The following ZNF521 variants were observed in gnomAD, a reference collection of about 807,000 sequenced individuals.
ZNF521 encodes LYST-interacting protein 3.
A neutral mutation model predicts 105.5 loss-of-function variants in ZNF521; 14 were observed. The observed-to-expected ratio is 0.13, with a 90% CI of 0.09 to 0.21. ZNF521 has a LOEUF of 0.21. ZNF521 is among the 10% of genes least tolerant of loss of function. The pLI is 1.00. For synonymous variants in ZNF521, 635 were observed against 606.0 expected (o/e 1.05, Z -0.70); for missense variants, 1,233 against 1,629.7 (o/e 0.76, Z 4.19).
intron 5 of ZNF521, among the ~76,000 whole-genome samples, chr18:25,159,769 C>T (rs1304443161): frequency 1.3e-5 from 2 of 152,194 alleles, no homozygotes; most frequent in African/African-American, 4.8e-5. Context: ...CAAAGTTACA[C>T]TCACTAAGAA....
chr18:25,153,151 A>T (rs779156674), intron 5 of ZNF521, among the ~76,000 whole-genome samples: 28 of 152,318 alleles, frequency 1.8e-4, no homozygotes, highest in Admixed American at 4.6e-4. Context: ...TACTAAGTGG[A>T]TCGTAATGCT....
intron 5 of ZNF521, among the ~76,000 whole-genome samples, chr18:25,152,498 A>G (rs1198976059): frequency 2.6e-5 from 4 of 151,968 alleles, no homozygotes; most frequent in Middle Eastern, 3.2e-3. Flanking sequence ...AAAGAAAAAA[A>G]AAAGAAAGAA....
At chr18:25,176,459 T>C (rs955525748) in intron 5 of ZNF521, among the ~76,000 whole-genome samples, 1 of 152,202 alleles carries the variant, frequency 6.6e-6, no homozygotes, top group Non-Finnish European at 1.5e-5. Flanking sequence ...AAAAACTCTG[T>C]GAAATCTTTT....
intron 5 of ZNF521, among the ~76,000 whole-genome samples, chr18:25,179,676 A>G (rs1162091424): frequency 6.6e-6 from 1 of 152,182 alleles, no homozygotes; most frequent in Non-Finnish European, 1.5e-5. Context: ...ATCCTTTTCC[A>G]ATATCTCTCT....
intron 5 of ZNF521, among the ~76,000 whole-genome samples, chr18:25,130,440 T>C (rs1045170688): frequency 6.6e-6 from 1 of 152,146 alleles, no homozygotes; most frequent in Non-Finnish European, 1.5e-5. Flanking sequence ...GCAAAATCTA[T>C]AGAACTGTGC....
At chr18:25,255,986 GTATATATATGGTATATATATATGA>G (rs995858440) in intron 3 of ZNF521, among the ~76,000 whole-genome samples, 13 of 146,228 alleles carry the variant, frequency 8.9e-5, no homozygotes, top group African/African-American at 3.3e-4. Flanking sequence ...TATATACATG[GTATATATATGGTATATATATATGA>G]TATATATATG....
intron 2 of ZNF521, among the ~76,000 whole-genome samples, chr18:25,334,510 T>C (rs909188704): frequency 5.9e-5 from 9 of 152,230 alleles, no homozygotes; most frequent in African/African-American, 2.2e-4. Context: ...TGACAAAGGA[T>C]ACATTTAAAG....
At chr18:25,263,857 C>T (rs1030919687) in intron 3 of ZNF521, among the ~76,000 whole-genome samples, 1 of 152,182 alleles carries the variant, frequency 6.6e-6, no homozygotes, top group South Asian at 2.1e-4. Flanking sequence ...GGATTACAGG[C>T]ATAAGCCACA....
intron 5 of ZNF521, among the ~76,000 whole-genome samples, chr18:25,182,216 C>A (rs1303452572): frequency 6.6e-6 from 1 of 152,140 alleles, no homozygotes; most frequent in African/African-American, 2.4e-5. Flanking sequence ...CCGCAGCAAG[C>A]AGGAGGCAAC....
chr18:25,261,692 G>A (rs1908921708), intron 3 of ZNF521, among the ~76,000 whole-genome samples: 1 of 150,810 alleles, frequency 6.6e-6, no homozygotes, highest in Admixed American at 6.6e-5. Flanking sequence ...GCCACTCAAT[G>A]AAGAGATTGA....
At chr18:25,187,719 G>T (rs574355650) in intron 5 of ZNF521, among the ~76,000 whole-genome samples, 1 of 152,128 alleles carries the variant, frequency 6.6e-6, no homozygotes, top group African/African-American at 2.4e-5. Context: ...TGAGGACTTC[G>T]CAGCCTCTGC....
chr18:25,209,653 C>T (rs1406011522), intron 4 of ZNF521, among the ~76,000 whole-genome samples: 1 of 152,142 alleles, frequency 6.6e-6, no homozygotes, highest in Non-Finnish European at 1.5e-5. Flanking sequence ...ACTTACTAAA[C>T]CTTTCATGTC....
intron 5 of ZNF521, among the ~76,000 whole-genome samples, chr18:25,163,820 T>C (rs913268936): frequency 1.6e-4 from 24 of 152,080 alleles, no homozygotes; most frequent in African/African-American, 5.8e-4. Context: ...TGTGGGATGG[T>C]AGGTGTGTGT....
At position 25,231,766 on chromosome 18, in the gene ZNF521, C is replaced by A. The variant is rs118069369; in HGVS notation, c.221-4069G>T. The stretch of plus-strand genomic sequence containing the variant: ...AATGCTTACTTTGTTTATGATTAAG[C>A]GGGTCTTAATTTGTGTAGGACATAC... On this transcript the variant is annotated intron_variant, in intron 3 of 7. Transcript: ENST00000361524. Among the ~76,000 whole-genome samples, 110 of 152,250 alleles carry A rather than the reference C, an allele frequency of 7.2e-4. 1 individual carries two copies. The East Asian group carries it at 0.02, about 27-fold the overall frequency.
intron 3 of ZNF521, among the ~76,000 whole-genome samples, chr18:25,300,421 G>A (rs1000893501): frequency 1.3e-4 from 20 of 152,212 alleles, no homozygotes; most frequent in East Asian, 3.9e-4. Context: ...ATACACACTC[G>A]ATGACAATAT....
At chr18:25,182,503 C>T (rs11875994) in intron 5 of ZNF521, among the ~76,000 whole-genome samples, 3,695 of 152,202 alleles carry the variant, frequency 0.024, 158 homozygotes, top group African/African-American at 0.085. Flanking sequence ...TATGTGACGC[C>T]CATTTCGCTT....
At chr18:25,340,192 T>C (rs1269697126) in intron 2 of ZNF521, among the ~76,000 whole-genome samples, 2 of 151,990 alleles carry the variant, frequency 1.3e-5, no homozygotes, top group Non-Finnish European at 2.9e-5. Context: ...CTGTCTCTAC[T>C]AAAAATACAA....
At chr18:25,171,394 T>C (rs2035446453) in intron 5 of ZNF521, among the ~76,000 whole-genome samples, 1 of 152,126 alleles carries the variant, frequency 6.6e-6, no homozygotes, top group African/African-American at 2.4e-5. Context: ...CATGTGCTAA[T>C]GGAACAAAAG....
chr18:25,238,660 C>T (rs1004954071), intron 3 of ZNF521, among the ~76,000 whole-genome samples: 5 of 152,186 alleles, frequency 3.3e-5, no homozygotes, highest in African/African-American at 1.2e-4. Context: ...TCTCACCTAT[C>T]CCTTAAGCTA....
Sources: gnomAD v4.1 joint callset for allele counts (sites outside exome capture counted in the v4.1 genomes callset) on GRCh38, gnomAD v4.1.1 for gene constraint, MANE v1.5 for transcripts, NCBI Gene and HGNC (gene_info 2026-07-23, HGNC 2026-07-21) for gene names.